PTPRM: variants seen among roughly 807,000 people sequenced by gnomAD.
PTPRM encodes protein tyrosine phosphatase receptor type M.
In PTPRM, 47 loss-of-function variants were observed where a neutral mutation model predicts 186.7. The ratio of observed to expected loss-of-function variants is 0.25; its 90% CI spans 0.20 to 0.32. PTPRM has a LOEUF of 0.32. Among genes scored for constraint, PTPRM ranks in the 10% least tolerant of loss-of-function variants. PTPRM has a pLI of 1.00. For missense variants in PTPRM, 1,494 were observed against 1,865.0 expected, an observed-to-expected ratio of 0.80 and a Z score of 3.66; for synonymous variants, 668 against 674.9, an observed-to-expected ratio of 0.99 and a Z score of 0.16.
chr18:8,056,957 C>A (rs966355982), intron 7 of PTPRM, among the ~76,000 whole-genome samples: 1 of 151,922 alleles, frequency 6.6e-6, no homozygotes, highest in South Asian at 2.1e-4. Flanking sequence ...ACTCAGCTAT[C>A]TTTTCTGCAG....
intron 8 of PTPRM, 114 bp downstream of exon 8, chr18:8,070,108 AC>A: frequency 1.1e-6 from 1 of 938,154 alleles, no homozygotes; most frequent in Non-Finnish European, 1.6e-6. Flanking sequence ...TTGTTGAACA[AC>A]ACAAATGTGT....
chr18:7,685,991 G>T (rs529415842), intron 1 of PTPRM, among the ~76,000 whole-genome samples: 1 of 152,132 alleles, frequency 6.6e-6, no homozygotes, highest in African/African-American at 2.4e-5. Flanking sequence ...TCTAGTGGCA[G>T]GCCAGAAAAC....
chr18:8,290,794 C>A (rs982722794), intron 19 of PTPRM, among the ~76,000 whole-genome samples: 7 of 152,110 alleles, frequency 4.6e-5, no homozygotes, highest in African/African-American at 1.7e-4. Flanking sequence ...ACTTTAATTA[C>A]ATTTTAAGTA....
intron 1 of PTPRM, among the ~76,000 whole-genome samples, chr18:7,725,214 A>C (rs754831278): frequency 5.9e-5 from 9 of 152,116 alleles, no homozygotes; most frequent in Non-Finnish European, 1.0e-4. Context: ...AATTGTACAG[A>C]GTATCATTTT....
chr18:8,238,919 C>A (rs1311969482), intron 14 of PTPRM, among the ~76,000 whole-genome samples: 2 of 151,210 alleles, frequency 1.3e-5, no homozygotes, highest in Non-Finnish European at 2.9e-5. Flanking sequence ...TTTCTTCCCC[C>A]AGGTCAGTTA....
chr18:7,782,338 G>A (rs1568123652), intron 2 of PTPRM, among the ~76,000 whole-genome samples: 1 of 151,880 alleles, frequency 6.6e-6, no homozygotes, highest in Non-Finnish European at 1.5e-5. Flanking sequence ...ATGTTAATTA[G>A]GAAGGAAGGA....
chr18:8,111,529 C>T (rs1405983804), intron 11 of PTPRM, among the ~76,000 whole-genome samples: 3 of 151,914 alleles, frequency 2.0e-5, no homozygotes, highest in East Asian at 1.9e-4. Flanking sequence ...GGGAGAATGG[C>T]GTGAACCCAG....
chr18:7,813,810 G>T (rs2044659856), intron 2 of PTPRM, among the ~76,000 whole-genome samples: 1 of 149,686 alleles, frequency 6.7e-6, no homozygotes, highest in African/African-American at 2.5e-5. Context: ...TAATTCTTTG[G>T]CTCTGTCTTC....
intron 1 of PTPRM, among the ~76,000 whole-genome samples, chr18:7,611,988 A>G (rs2037686923): frequency 6.6e-6 from 1 of 152,250 alleles, no homozygotes; most frequent in South Asian, 2.1e-4. Context: ...TGATGTTCAC[A>G]CAATGACAAA....
intron 1 of PTPRM, among the ~76,000 whole-genome samples, chr18:7,733,113 G>A (rs140889057): frequency 1.8e-4 from 28 of 152,174 alleles, no homozygotes; most frequent in Middle Eastern, 6.8e-3. Context: ...TACATGTACC[G>A]AATGTGCAGG....
intron 13 of PTPRM, among the ~76,000 whole-genome samples, chr18:8,121,104 G>A (rs1453638244): frequency 6.6e-6 from 1 of 152,206 alleles, no homozygotes; most frequent in African/African-American, 2.4e-5. Context: ...CTGTTAGTTT[G>A]TTAATCTCAC....
intron 14 of PTPRM, among the ~76,000 whole-genome samples, chr18:8,183,351 T>C (rs1053458437): frequency 1.3e-5 from 2 of 152,200 alleles, no homozygotes; most frequent in Non-Finnish European, 2.9e-5. Flanking sequence ...CTTATCAGAA[T>C]CACCATTGTT....
rs372924949 is a variant in PTPRM, at chr18:7,625,055, A to G, written c.73+57164A>G. 6.3e-4 allele frequency among the ~76,000 whole-genome samples: 96 copies of G among 152,328 alleles called. 2 individuals are homozygous for G. The South Asian group carries it at 0.02, about 31-fold the overall frequency. On this transcript the variant is annotated intron_variant, in intron 1 of 32. Transcript: ENST00000580170. ...ACTTTTTGCCTCTAACAGAATTTAC[A>G]GAAACTCTACAAGAGCTTGAAATGC...
At chr18:8,215,696 C>G (rs539427938) in intron 14 of PTPRM, among the ~76,000 whole-genome samples, 1 of 151,864 alleles carries the variant, frequency 6.6e-6, no homozygotes, top group Non-Finnish European at 1.5e-5. Context: ...GCTCATGCCA[C>G]TAGGCTCAGC....
At chr18:7,956,475 A>G (rs2147127626) in intron 7 of PTPRM, among the ~76,000 whole-genome samples, 1 of 152,358 alleles carries the variant, frequency 6.6e-6, no homozygotes, top group South Asian at 2.1e-4. Flanking sequence ...AAAAGGGAAC[A>G]GGTACTTTTT....
In PTPRM at chr18:8,370,990, C is replaced by T. The variant is rs1202866544; in HGVS notation, c.3155C>T (p.Thr1052Ile). 1 of 1,591,556 alleles carries T rather than the reference C, an allele frequency of 6.3e-7. No individual in the cohort carries two copies. The highest frequency in any genetic ancestry group is 1.7e-5 in the Admixed American group (1 of 59,256). The change falls in exon 24 of 33, where the codon ACA becomes ATA. Residue 1052 changes from threonine (T) to isoleucine (I), a missense_variant. By Grantham distance (89) the Thr-to-Ile change is moderately conservative. Coordinates refer to ENST00000580170, the MANE Select transcript of PTPRM (RefSeq NM_001105244.2). ...CTACTGGCAGAATATGTGATAAGAA[C>T]ATTTGCTGTTGAAAAGGTAAGTTTT... Reference protein sequence around the residue: ...TELLAEYVIRTFAVEKRGVHE... With the variant: ...TELLAEYVIRIFAVEKRGVHE...
chr18:7,956,628 C>G (rs1003772985), intron 7 of PTPRM, among the ~76,000 whole-genome samples: 2 of 152,214 alleles, frequency 1.3e-5, no homozygotes, highest in Non-Finnish European at 2.9e-5. Context: ...AGTCTGGTCC[C>G]TGGAATAAGA....
chr18:8,349,781 A>G (rs2095524557), intron 23 of PTPRM, among the ~76,000 whole-genome samples: 2 of 152,222 alleles, frequency 1.3e-5, no homozygotes, highest in African/African-American at 4.8e-5. Context: ...AAGCCATAAA[A>G]ACACCATGTG....
chr18:8,020,119 A>T (rs1314732153), intron 7 of PTPRM, among the ~76,000 whole-genome samples: 2 of 152,190 alleles, frequency 1.3e-5, no homozygotes, highest in Non-Finnish European at 2.9e-5. Context: ...AATGCTCCTT[A>T]GCTATTTTTA....
Sources: gnomAD v4.1 joint callset for allele counts (sites outside exome capture counted in the v4.1 genomes callset) on GRCh38, gnomAD v4.1.1 for gene constraint, MANE v1.5 for transcripts, NCBI Gene and HGNC (gene_info 2026-07-23, HGNC 2026-07-21) for gene names.